Variants in LRMDA observed in about 807,000 individuals in gnomAD.
LRMDA encodes leucine rich melanocyte differentiation associated, also known as leucine-rich melanocyte differentiation-associated protein.
In LRMDA, 18 loss-of-function variants were observed where a neutral mutation model predicts 29.8. The observed-to-expected ratio is 0.60, with a 90% CI of 0.42 to 0.90. The LOEUF is 0.90. Among genes scored for constraint, LRMDA ranks in the 40% least tolerant of loss-of-function variants. The probability of loss-of-function intolerance (pLI) is 0.00; values close to 1 mark genes in which losing one functional copy is unlikely to be tolerated. For missense variants in LRMDA, 273 were observed against 273.9 expected (o/e 1.00, Z 0.02); for synonymous variants, 125 against 109.4 (o/e 1.14, Z -0.89).
At chr10:75,783,583 G>A (rs1843421395) in intron 2 of LRMDA, among the ~76,000 whole-genome samples, 2 of 151,710 alleles carry the variant, frequency 1.3e-5, no homozygotes, top group African/African-American at 2.4e-5. Context: ...CTCAGCTTTA[G>A]ATGAGGCTTA....
intron 2 of LRMDA, among the ~76,000 whole-genome samples, chr10:75,588,843 G>A (rs1276829637): frequency 1.3e-5 from 2 of 151,816 alleles, no homozygotes; most frequent in African/African-American, 4.8e-5. Flanking sequence ...TTATGTCTTT[G>A]TCATTTATAA....
At chr10:76,553,504 GAGA>G (rs1402725234) in intron 6 of LRMDA, among the ~76,000 whole-genome samples, 5 of 152,202 alleles carry the variant, frequency 3.3e-5, no homozygotes, top group East Asian at 1.9e-4. Flanking sequence ...GCCATGGCGG[GAGA>G]AGAAGGGCTG....
intron 2 of LRMDA, among the ~76,000 whole-genome samples, chr10:76,010,902 A>G (rs560928092): frequency 4.2e-4 from 64 of 152,380 alleles, no homozygotes; most frequent in African/African-American, 1.5e-3. Flanking sequence ...AGGGTAAATT[A>G]TCTTCCACTA....
chr10:75,558,403 A>G (rs1036824811), intron 2 of LRMDA, among the ~76,000 whole-genome samples: 30 of 152,174 alleles, frequency 2.0e-4, no homozygotes, highest in Non-Finnish European at 1.2e-4. Context: ...TTCAGTGTTT[A>G]CTTGACTTGA....
chr10:76,403,649 A>G (rs1328904982), intron 6 of LRMDA, among the ~76,000 whole-genome samples: 3 of 152,104 alleles, frequency 2.0e-5, no homozygotes, highest in Non-Finnish European at 4.4e-5. Context: ...ATGAGTTCGA[A>G]TTGTTGATAA....
intron 2 of LRMDA, among the ~76,000 whole-genome samples, chr10:76,007,976 C>T (rs1589286319): frequency 6.6e-6 from 1 of 152,148 alleles, no homozygotes; most frequent in East Asian, 1.9e-4. Flanking sequence ...GATGAGTGTT[C>T]CGAACTGTGG....
intron 2 of LRMDA, among the ~76,000 whole-genome samples, chr10:75,592,344 TTTC>T (rs1432118797): frequency 2.0e-5 from 3 of 152,200 alleles, no homozygotes; most frequent in East Asian, 1.9e-4. Flanking sequence ...GTTTGTGTTT[TTTC>T]TTCTTCTCAC....
chr10:76,258,790 GATTTA>G (rs1839898262), intron 5 of LRMDA, among the ~76,000 whole-genome samples: 1 of 151,980 alleles, frequency 6.6e-6, no homozygotes, highest in Non-Finnish European at 1.5e-5. Context: ...TGAATGACAG[GATTTA>G]ATTTATTTTT....
intron 2 of LRMDA, among the ~76,000 whole-genome samples, chr10:76,003,886 G>A (rs558485960): frequency 4.6e-5 from 7 of 152,280 alleles, no homozygotes; most frequent in East Asian, 3.9e-4. Context: ...TCATGGTACC[G>A]CTAGGCAGTG....
intron 2 of LRMDA, among the ~76,000 whole-genome samples, chr10:75,699,479 A>C (rs930799841): frequency 4.6e-5 from 7 of 152,242 alleles, no homozygotes; most frequent in African/African-American, 1.7e-4. Context: ...GCCATTAAAA[A>C]AGTCTGCCCA....
intron 6 of LRMDA, among the ~76,000 whole-genome samples, chr10:76,417,497 C>T (rs1012406850): frequency 5.3e-5 from 8 of 151,916 alleles, no homozygotes; most frequent in African/African-American, 1.5e-4. Context: ...CTGGCAATGG[C>T]CCCTGCCCCC....
In LRMDA at chr10:75,934,507, TTC is replaced by T. The variant is rs1218276310; in HGVS notation, c.132-101499_132-101498del. 6.6e-5 allele frequency among the ~76,000 whole-genome samples: 10 copies of T among 152,256 alleles called. No homozygotes were observed. In the South Asian group the frequency reaches 1.0e-3, roughly 16 times the overall value. The stretch of plus-strand genomic sequence containing the variant: ...TAGGGAAGGAAAAAGCTTAGATTTC[TTC>T]TGTTTAAATACTTTTCTTCCAATAG... On this transcript the variant is annotated intron_variant, in intron 2 of 6. Transcript: ENST00000611255.
At chr10:76,150,655 C>G (rs1850423422) in intron 5 of LRMDA, among the ~76,000 whole-genome samples, 1 of 152,166 alleles carries the variant, frequency 6.6e-6, no homozygotes. Context: ...AGTTTGTGGG[C>G]AGTCGATCGA....
At chr10:75,772,121 G>A (rs981589559) in intron 2 of LRMDA, among the ~76,000 whole-genome samples, 23 of 152,152 alleles carry the variant, frequency 1.5e-4, no homozygotes, top group African/African-American at 5.3e-4. Context: ...TCTCAGAAAA[G>A]CAATTCAACT....
At chr10:75,769,623 T>C (rs1403110159) in intron 2 of LRMDA, among the ~76,000 whole-genome samples, 1 of 152,218 alleles carries the variant, frequency 6.6e-6, no homozygotes, top group African/African-American at 2.4e-5. Context: ...TTCATTCGTT[T>C]TCTCCCCTTA....
At chr10:75,542,380 A>G (rs1488361985) in intron 2 of LRMDA, among the ~76,000 whole-genome samples, 1 of 152,014 alleles carries the variant, frequency 6.6e-6, no homozygotes, top group Non-Finnish European at 1.5e-5. Context: ...TTGCACTTTC[A>G]CAGAGTTAAT....
At chr10:75,747,475 C>T (rs1378147276) in intron 2 of LRMDA, among the ~76,000 whole-genome samples, 2 of 152,032 alleles carry the variant, frequency 1.3e-5, no homozygotes, top group African/African-American at 4.8e-5. Flanking sequence ...ACGATAGGGA[C>T]CATATTGAGA....
chr10:75,707,286 A>G (rs964560225), intron 2 of LRMDA, among the ~76,000 whole-genome samples: 1 of 152,222 alleles, frequency 6.6e-6, no homozygotes, highest in African/African-American at 2.4e-5. Flanking sequence ...GCTTTTGGAA[A>G]GCCAATTTGG....
intron 6 of LRMDA, among the ~76,000 whole-genome samples, chr10:76,513,434 T>C (rs564279202): frequency 6.6e-6 from 1 of 152,354 alleles, no homozygotes; most frequent in Admixed American, 6.5e-5. Flanking sequence ...ATTTGACGGT[T>C]GCTGGATACA....
Sources: gnomAD v4.1 joint callset for allele counts (sites outside exome capture counted in the v4.1 genomes callset) on GRCh38, gnomAD v4.1.1 for gene constraint, MANE v1.5 for transcripts, NCBI Gene and HGNC (gene_info 2026-07-23, HGNC 2026-07-21) for gene names.